Variants in BAIAP2L1 observed in about 807,000 individuals in gnomAD.
BAIAP2L1 encodes the protein BAR/IMD domain-containing adapter protein 2-like 1.
A neutral mutation model predicts 66.3 loss-of-function variants in BAIAP2L1; 35 were observed. That is an observed-to-expected ratio of 0.53 (90% CI 0.40 to 0.70). The LOEUF is 0.70. Among genes scored for constraint, BAIAP2L1 ranks in the 30% least tolerant of loss-of-function variants. The pLI is 0.00. For missense variants in BAIAP2L1, 622 were observed against 656.9 expected (o/e 0.95, Z 0.58); for synonymous variants, 269 against 248.7 (o/e 1.08, Z -0.77).
intron 1 of BAIAP2L1, among the ~76,000 whole-genome samples, chr7:98,387,166 C>T (rs1291092898): frequency 6.6e-6 from 1 of 152,112 alleles, no homozygotes; most frequent in Admixed American, 6.6e-5. Flanking sequence ...AGGGAAGGAG[C>T]AAGGATGTTT....
At chr7:98,391,664 G>A (rs368149637) in intron 1 of BAIAP2L1, among the ~76,000 whole-genome samples, 5 of 149,026 alleles carry the variant, frequency 3.4e-5, no homozygotes, top group African/African-American at 7.4e-5. Context: ...AGCCGAGATC[G>A]TGCCACTGCA....
At position 98,320,304 on chromosome 7, in the gene BAIAP2L1, A is replaced by G; in HGVS notation, c.215-6T>C. On this transcript the variant is annotated splice_polypyrimidine_tract_variant and splice_region_variant and intron_variant, in intron 3 of 13. Coordinates refer to ENST00000005260, the MANE Select transcript of BAIAP2L1 (RefSeq NM_018842.5). ...AATCTCTATGAGGACATGTCCTGGG[A>G]ACAAAACCAGATATGTTAGCGGGAA... 3 of 1,585,212 alleles carry G rather than the reference A, an allele frequency of 1.9e-6. No individual in the cohort carries two copies. Among genetic ancestry groups the G allele is most frequent in the Non-Finnish European group, 2.6e-6 (3 of 1,165,004 alleles).
In BAIAP2L1 at chr7:98,362,405, G is replaced by T; in HGVS notation, c.79C>A (p.Leu27Met). Residue 27 changes from leucine to methionine, a missense_variant, in exon 2 of 14, where the codon CTG (leucine) becomes ATG (methionine). Transcript: ENST00000005260. ...TTCCCCAGGTTTATTAAATTTCGCA[G>T]CCCAGGATTGAACTGTTCCATAACA... ...RNVMEQFNPG[L>M]RNLINLGKNY... 4.3e-6 allele frequency: 7 copies of T among 1,612,656 alleles called. No individual in the cohort carries two copies. The highest frequency in any genetic ancestry group is 5.9e-6 in the Non-Finnish European group (7 of 1,179,450).
At chr7:98,339,509 G>A (rs1394742452) in intron 3 of BAIAP2L1, among the ~76,000 whole-genome samples, 2 of 152,276 alleles carry the variant, frequency 1.3e-5, no homozygotes, top group African/African-American at 4.8e-5. Context: ...AACCCCACCT[G>A]CACTAACGAA....
At chr7:98,301,782 G>T (rs1335423250) in intron 12 of BAIAP2L1, among the ~76,000 whole-genome samples, 1 of 152,140 alleles carries the variant, frequency 6.6e-6, no homozygotes, top group Non-Finnish European at 1.5e-5. Context: ...CTGGATGACT[G>T]GGAATCTCTC....
chr7:98,307,469 C>A (rs190815506), intron 10 of BAIAP2L1: 2 of 1,410,012 alleles, frequency 1.4e-6, no homozygotes, highest in Non-Finnish European at 9.2e-7. Flanking sequence ...TGACTTCATA[C>A]GCTCTAATAA....
At position 98,365,040 on chromosome 7, in the gene BAIAP2L1, T is replaced by C. The variant is rs190373624; in HGVS notation, c.52-2608A>G. Among the ~76,000 whole-genome samples, 27 of 142,382 alleles carry C rather than the reference T, an allele frequency of 1.9e-4. No individual in the cohort carries two copies. In the East Asian group the frequency reaches 5.7e-3, roughly 30 times the overall value. The allele number at this position is 142,382 out of a possible 152,430, so 93.4% of individuals were successfully genotyped here. A position where few individuals can be genotyped will look rare whatever the true frequency, so the allele number is the denominator to read the frequency against. On this transcript the variant is annotated intron_variant, in intron 1 of 13. Coordinates refer to ENST00000005260, the MANE Select transcript of BAIAP2L1 (RefSeq NM_018842.5). Reference sequence around the variant, plus strand: ...AAAAAGAGCTATTACTCCACTGTCTTTAGCATCTGGGTCTGCTGAAGTCAG... The same window carrying C: ...AAAAAGAGCTATTACTCCACTGTCTCTAGCATCTGGGTCTGCTGAAGTCAG...
chr7:98,336,498 T>G (rs997136560), intron 3 of BAIAP2L1, among the ~76,000 whole-genome samples: 1 of 151,952 alleles, frequency 6.6e-6, no homozygotes, highest in Admixed American at 6.6e-5. Context: ...TGGCTGTAGT[T>G]CCAGCTACTT....
chr7:98,315,426 T>C, intron 7 of BAIAP2L1, 34 bp downstream of exon 7: 1 of 1,367,572 alleles, frequency 7.3e-7, no homozygotes, highest in Non-Finnish European at 9.5e-7. Flanking sequence ...ATAAAGTTAT[T>C]AATACGCTCA....
chr7:98,342,041 A>ATTTT (rs142061599), intron 3 of BAIAP2L1, among the ~76,000 whole-genome samples: 4 of 95,064 alleles, frequency 4.2e-5, no homozygotes, highest in African/African-American at 7.9e-5. Flanking sequence ...TTTTTTTCTG[A>ATTTT]TTTTTTTTTT....
chr7:98,380,426 C>T (rs1020848943), intron 1 of BAIAP2L1, among the ~76,000 whole-genome samples: 3 of 151,720 alleles, frequency 2.0e-5, no homozygotes, highest in African/African-American at 4.8e-5. Context: ...AACATGGCGG[C>T]AGGAAGAGAA....
intron 7 of BAIAP2L1, among the ~76,000 whole-genome samples, chr7:98,312,706 TAG>T (rs1021340056): frequency 2.0e-5 from 3 of 152,076 alleles, no homozygotes; most frequent in Admixed American, 1.3e-4. Flanking sequence ...ATTCAGACAT[TAG>T]AGAAGTGAAT....
chr7:98,302,416 T>C (rs1009710130), intron 12 of BAIAP2L1, among the ~76,000 whole-genome samples: 3 of 152,202 alleles, frequency 2.0e-5, no homozygotes, highest in Non-Finnish European at 4.4e-5. Flanking sequence ...AGCAGCAGGC[T>C]AGGCGAACAT....
At chr7:98,376,135 A>G (rs1054072035) in intron 1 of BAIAP2L1, among the ~76,000 whole-genome samples, 1 of 152,016 alleles carries the variant, frequency 6.6e-6, no homozygotes, top group African/African-American at 2.4e-5. Context: ...GGTTCTTCCT[A>G]TTTAACTTCT....
intron 12 of BAIAP2L1, among the ~76,000 whole-genome samples, chr7:98,296,099 A>G (rs1406650250): frequency 2.0e-5 from 3 of 152,082 alleles, no homozygotes; most frequent in Admixed American, 6.6e-5. Context: ...TTCTGTGCAG[A>G]CAGCAGGTCA....
At chr7:98,376,443 C>G (rs527287122) in intron 1 of BAIAP2L1, among the ~76,000 whole-genome samples, 1 of 151,768 alleles carries the variant, frequency 6.6e-6, no homozygotes, top group Non-Finnish European at 1.5e-5. Context: ...CCAGAGAGGT[C>G]GAGGTCACAG....
At chr7:98,365,569 C>T (rs921186113) in intron 1 of BAIAP2L1, among the ~76,000 whole-genome samples, 2 of 152,182 alleles carry the variant, frequency 1.3e-5, no homozygotes, top group Non-Finnish European at 2.9e-5. Flanking sequence ...CTCCCAGGCT[C>T]AAGTGATCCT....
At chr7:98,318,361 C>T (rs571319974) in intron 5 of BAIAP2L1, among the ~76,000 whole-genome samples, 1 of 152,206 alleles carries the variant, frequency 6.6e-6, no homozygotes, top group Admixed American at 6.5e-5. Context: ...TGAGATCGCG[C>T]CACTGCACTC....
intron 3 of BAIAP2L1, among the ~76,000 whole-genome samples, chr7:98,348,111 A>G (rs1009796256): frequency 1.3e-5 from 2 of 152,128 alleles, no homozygotes; most frequent in Admixed American, 6.5e-5. Flanking sequence ...CGTTCTTCAC[A>G]TGTATCCCAG....
Sources: allele counts gnomAD v4.1 joint callset (sites outside exome capture counted in the v4.1 genomes callset), GRCh38; gene constraint gnomAD v4.1.1; transcripts MANE v1.5; gene names NCBI Gene and HGNC (gene_info 2026-07-23, HGNC 2026-07-21).